Variants in RBFOX1 observed in about 807,000 individuals in gnomAD.
The protein encoded by RBFOX1 is RNA binding protein fox-1 homolog 1.
Under a neutral mutation model 57.7 loss-of-function variants are expected in RBFOX1, and 8 were observed. The ratio of observed to expected loss-of-function variants is 0.14; its 90% CI spans 0.08 to 0.25. RBFOX1 has a LOEUF of 0.25. RBFOX1 is among the 10% of genes least tolerant of loss of function. RBFOX1 has a pLI of 1.00. For missense variants in RBFOX1, 611 were observed against 548.5 expected (o/e 1.11, Z -1.14); for synonymous variants, 326 against 222.4 (o/e 1.47, Z -4.15).
intron 4 of RBFOX1, among the ~76,000 whole-genome samples, chr16:7,499,732 C>A (rs893735479): frequency 6.6e-6 from 1 of 152,156 alleles, no homozygotes; most frequent in Admixed American, 6.5e-5. Context: ...TATATTAAGG[C>A]TTTCATTTGG....
intron 1 of RBFOX1, among the ~76,000 whole-genome samples, chr16:6,246,304 A>G (rs1051714802): frequency 6.6e-6 from 1 of 152,172 alleles, no homozygotes; most frequent in Non-Finnish European, 1.5e-5. Context: ...TTAGTGGGCT[A>G]TAGTTACTCT....
chr16:7,045,355 C>G (rs1023458189), intron 3 of RBFOX1, among the ~76,000 whole-genome samples: 2 of 152,110 alleles, frequency 1.3e-5, no homozygotes. Flanking sequence ...AAAATAAACA[C>G]AACAAAAACA....
At chr16:7,555,029 GT>G (rs1487777044) in intron 5 of RBFOX1, among the ~76,000 whole-genome samples, 5 of 152,252 alleles carry the variant, frequency 3.3e-5, no homozygotes, top group East Asian at 1.9e-4. Context: ...CCTGGTAATT[GT>G]TTTTGGTCAT....
chr16:7,352,866 C>T (rs1184922808), intron 4 of RBFOX1, among the ~76,000 whole-genome samples: 2 of 152,054 alleles, frequency 1.3e-5, no homozygotes, highest in Non-Finnish European at 2.9e-5. Context: ...CAGGAGCATG[C>T]CACCATGACC....
intron 15 of RBFOX1, chr16:7,709,866 G>C (rs778341420): frequency 3.0e-5 from 35 of 1,156,452 alleles, no homozygotes; most frequent in Non-Finnish European, 3.6e-5. Context: ...CATCACGTGA[G>C]AGCATATGCA....
At chr16:5,240,854 A>G (rs1218641538) in intron 1 of RBFOX1, among the ~76,000 whole-genome samples, 6 of 150,956 alleles carry the variant, frequency 4.0e-5, no homozygotes, top group Admixed American at 2.0e-4. Flanking sequence ...TCCTACCCCA[A>G]CTCTTCCTGT....
At chr16:7,214,418 G>C (rs1265730542) in intron 4 of RBFOX1, among the ~76,000 whole-genome samples, 1 of 151,954 alleles carries the variant, frequency 6.6e-6, no homozygotes, top group Non-Finnish European at 1.5e-5. Flanking sequence ...TCTCTCATGG[G>C]CAGACTGCTC....
chr16:6,967,276 A>C (rs774176564), intron 3 of RBFOX1, among the ~76,000 whole-genome samples: 1 of 150,856 alleles, frequency 6.6e-6, no homozygotes, highest in Non-Finnish European at 1.5e-5. Flanking sequence ...TCATCATTTC[A>C]TCATCCATTA....
chr16:5,524,605 A>G (rs2044164541), intron 2 of RBFOX1, among the ~76,000 whole-genome samples: 1 of 148,726 alleles, frequency 6.7e-6, no homozygotes, highest in South Asian at 2.1e-4. Context: ...CAGTGGTGCG[A>G]TCTTGGCTCA....
chr16:5,563,654 T>C (rs1567234135), intron 2 of RBFOX1, among the ~76,000 whole-genome samples: 1 of 152,204 alleles, frequency 6.6e-6, no homozygotes, highest in Non-Finnish European at 1.5e-5. Flanking sequence ...ATGATGATAG[T>C]AGTTTTTTAA....
intron 4 of RBFOX1, among the ~76,000 whole-genome samples, chr16:7,384,410 C>T (rs181072215): frequency 1.6e-4 from 24 of 152,218 alleles, no homozygotes; most frequent in Non-Finnish European, 2.9e-4. Context: ...AAACATGGCT[C>T]TCCTGGTATT....
chr16:5,400,861 T>C (rs1283988393), intron 1 of RBFOX1, among the ~76,000 whole-genome samples: 1 of 152,222 alleles, frequency 6.6e-6, no homozygotes, highest in Non-Finnish European at 1.5e-5. Context: ...CATGTGTTTA[T>C]TTGCCATTTA....
At chr16:6,670,341 A>G (rs1170748843) in intron 3 of RBFOX1, among the ~76,000 whole-genome samples, 3 of 152,026 alleles carry the variant, frequency 2.0e-5, no homozygotes, top group Non-Finnish European at 4.4e-5. Context: ...AAATGCTGGG[A>G]TTACAGGGGT....
chr16:7,407,756 C>T (rs1218994803), intron 4 of RBFOX1, among the ~76,000 whole-genome samples: 2 of 152,188 alleles, frequency 1.3e-5, no homozygotes, highest in African/African-American at 4.8e-5. Context: ...ACAGTGCCTT[C>T]TGTATCTTCA....
intron 2 of RBFOX1, among the ~76,000 whole-genome samples, chr16:6,584,541 G>C (rs1250934010): frequency 4.6e-5 from 7 of 151,716 alleles, no homozygotes; most frequent in African/African-American, 1.7e-4. Flanking sequence ...CTAATTTTTT[G>C]TAATATTAGC....
At chr16:7,089,701 C>A (rs1415281419) in intron 4 of RBFOX1, among the ~76,000 whole-genome samples, 1 of 152,172 alleles carries the variant, frequency 6.6e-6, no homozygotes, top group Non-Finnish European at 1.5e-5. Flanking sequence ...CCCCCTTCCA[C>A]ATCCGAAAAA....
intron 3 of RBFOX1, among the ~76,000 whole-genome samples, chr16:5,818,923 C>A (rs145693603): frequency 6.6e-6 from 1 of 152,334 alleles, no homozygotes; most frequent in East Asian, 1.9e-4. Flanking sequence ...TGACTCATCT[C>A]TTTCCCTTGT....
intron 3 of RBFOX1, among the ~76,000 whole-genome samples, chr16:5,855,233 G>A (rs1305424260): frequency 1.3e-5 from 2 of 152,228 alleles, no homozygotes; most frequent in Non-Finnish European, 2.9e-5. Context: ...TTTGATGAAA[G>A]CCTACTTGTT....
rs566510731 is a variant in RBFOX1 at position 7,000,698 on chromosome 16, G to C, written c.-15-51359G>C. 1.2e-3 allele frequency among the ~76,000 whole-genome samples: 158 copies of C among 136,564 alleles called. 2 individuals carry two copies. The highest frequency in any genetic ancestry group is 4.0e-3 in the African/African-American group (153 of 38,186). 89.6% of individuals were successfully genotyped at this position (136,564 alleles called of 152,430 possible). ...CGGCTCACTGCAACCTCTGCCTACCGGGTTCATGCCATTCTCCTGCCTCAG... is the reference window on the plus strand; with the variant it reads ...CGGCTCACTGCAACCTCTGCCTACCCGGTTCATGCCATTCTCCTGCCTCAG... On this transcript the variant is annotated intron_variant, in intron 3 of 15. Transcript: ENST00000550418.
Sources: allele counts gnomAD v4.1 joint callset (sites outside exome capture counted in the v4.1 genomes callset), GRCh38; gene constraint gnomAD v4.1.1; transcripts MANE v1.5; gene names NCBI Gene and HGNC (gene_info 2026-07-23, HGNC 2026-07-21).